The following DDB2 variants were observed in gnomAD, a reference collection of about 807,000 sequenced individuals.
DDB2 encodes damage specific DNA binding protein 2.
In DDB2, 27 loss-of-function variants were observed where a neutral mutation model predicts 50.5. The ratio of observed to expected loss-of-function variants is 0.53; its 90% CI spans 0.39 to 0.74. The LOEUF (loss-of-function observed/expected upper bound fraction) is 0.74. Among genes scored for constraint, DDB2 ranks in the 30% least tolerant of loss-of-function variants. The pLI is 0.00. For missense variants in DDB2, 424 were observed against 545.6 expected, an observed-to-expected ratio of 0.78 and a Z score of 2.22; for synonymous variants, 176 against 205.5, an observed-to-expected ratio of 0.86 and a Z score of 1.23.
intron 3 of DDB2, chr11:47,220,182 G>A (rs550986100): frequency 6.6e-6 from 1 of 152,464 alleles, no homozygotes; most frequent in East Asian, 1.9e-4. Flanking sequence ...CAAAGTGTGA[G>A]ATGGGTGTTC....
At chr11:47,217,334 C>T (rs1048824403) in intron 3 of DDB2, 2 of 274,264 alleles carry the variant, frequency 7.3e-6, no homozygotes, top group African/African-American at 2.2e-5. Flanking sequence ...CAAGATTGCA[C>T]CATTACACTC....
chr11:47,238,057 A>G, intron 8 of DDB2, 56 bp downstream of exon 8: 1 of 1,613,260 alleles, frequency 6.2e-7, no homozygotes, highest in Non-Finnish European at 8.5e-7. Flanking sequence ...AACCTACCTT[A>G]TTGACCAAAA....
rs754254385 is a variant in DDB2, at chr11:47,215,165, A to G, written c.29A>G (p.Gln10Arg). 2 of 1,614,088 alleles carry G rather than the reference A, an allele frequency of 1.2e-6. No homozygotes were observed. Among genetic ancestry groups the G allele is most frequent in the South Asian group, 2.2e-5 (2 of 91,062 alleles). Residue 10 changes from glutamine to arginine, a missense_variant, in exon 1 of 10, where the codon CAG becomes CGG. Coordinates refer to ENST00000256996, the MANE Select transcript of DDB2 (RefSeq NM_000107.3). MAPKKRPET[Q>R]KTSEIVLRPR... is the part of the protein sequence containing the mutation. ...GCTCCCAAGAAACGCCCAGAAACCCAGAAGACCTCCGAGATTGTATTACGC... is the reference window on the plus strand; with the variant it reads ...GCTCCCAAGAAACGCCCAGAAACCCGGAAGACCTCCGAGATTGTATTACGC...
chr11:47,222,067 A>G (rs962961725), intron 3 of DDB2, among the ~76,000 whole-genome samples: 1 of 152,206 alleles, frequency 6.6e-6, no homozygotes, highest in Non-Finnish European at 1.5e-5. Context: ...CCATCACCAC[A>G]ATTAAAATAA....
At chr11:47,237,525 G>A in intron 7 of DDB2, 2 of 373,164 alleles carry the variant, frequency 5.4e-6, no homozygotes. Flanking sequence ...CCGCCTCCCG[G>A]GTTCAAGTGA....
chr11:47,238,704 G>A lies in DDB2; in HGVS notation c.1235-96G>A, dbSNP rs764702738. Reference sequence around the variant, plus strand: ...TGAGCCACCGCGCCCGGCCTTCCTAGTATTTCTTTACCAAATTGTAGGTTT... The same window carrying A: ...TGAGCCACCGCGCCCGGCCTTCCTAATATTTCTTTACCAAATTGTAGGTTT... On this transcript the variant is annotated intron_variant, in intron 9 of 9. Coordinates refer to ENST00000256996, the MANE Select transcript of DDB2 (RefSeq NM_000107.3). The A allele has an allele frequency of 5.0e-6, 7 of 1,413,736 alleles. No homozygotes were observed. The Admixed American group carries it at 8.6e-5, about 17-fold the overall frequency. The allele number at this position is 1,413,736 out of a possible 1,614,324, so 87.6% of individuals were successfully genotyped here. A position where few individuals can be genotyped will look rare whatever the true frequency, so the allele number is the denominator to read the frequency against.
At chr11:47,233,916 C>T (rs566757927) in intron 4 of DDB2, among the ~76,000 whole-genome samples, 4 of 152,232 alleles carry the variant, frequency 2.6e-5, no homozygotes, top group Admixed American at 6.5e-5. Context: ...GCTACTCTTC[C>T]GCAAGAAATC....
At chr11:47,223,798 A>AATAT (rs1953520388) in intron 3 of DDB2, among the ~76,000 whole-genome samples, 1 of 152,038 alleles carries the variant, frequency 6.6e-6, no homozygotes, top group Non-Finnish European at 1.5e-5. Flanking sequence ...TAAATAAATA[A>AATAT]AGAATAAAAA....
intron 3 of DDB2, among the ~76,000 whole-genome samples, chr11:47,227,398 C>T (rs141546280): frequency 3.3e-5 from 5 of 152,068 alleles, no homozygotes; most frequent in East Asian, 1.9e-4. Context: ...TGAGACACTG[C>T]GCCCGGCCAT....
intron 1 of DDB2, chr11:47,216,043 A>C: frequency 2.0e-6 from 1 of 500,656 alleles, no homozygotes; most frequent in Non-Finnish European, 3.7e-6. Context: ...AGAGTTCTGC[A>C]TTGTACTTTA....
At chr11:47,222,356 G>C (rs1953498325) in intron 3 of DDB2, among the ~76,000 whole-genome samples, 1 of 150,762 alleles carries the variant, frequency 6.6e-6, no homozygotes, top group African/African-American at 2.4e-5. Flanking sequence ...TCTGAATAAT[G>C]GTTCATTGTT....
Position 47,236,435 on chromosome 11 carries a change from A to G in DDB2, c.1023+1023A>G, listed in dbSNP as rs1169989268. Among the ~76,000 whole-genome samples, 3 of 152,088 alleles carry G rather than the reference A, an allele frequency of 2.0e-5. No homozygotes were observed. In the East Asian group the frequency reaches 5.8e-4, roughly 29 times the overall value. On this transcript the variant is annotated intron_variant, in intron 7 of 9. Transcript: ENST00000256996. ...TCTGCTAGTTCTGCATTCTTTTCCA[A>G]AACTACAGATCCTCTTCAGATCTTC...
chr11:47,216,096 G>T, intron 1 of DDB2: 2 of 636,994 alleles, frequency 3.1e-6, no homozygotes, highest in Non-Finnish European at 2.8e-6. Flanking sequence ...AACCCTGCAC[G>T]ACTGTATTTA....
chr11:47,239,073 A>C lies in DDB2; in HGVS notation c.*224A>C. ...CCAGAGTTGGTGACACAGCTGTCCC[A>C]AGGGCCCCTCTGTATCTAGCCTGGA... On this transcript the variant is annotated 3_prime_UTR_variant, in exon 10 of 10. Coordinates refer to ENST00000256996, the MANE Select transcript of DDB2 (RefSeq NM_000107.3). 1.8e-6 allele frequency: 1 copy of C among 553,132 alleles called. No homozygotes were observed. Among genetic ancestry groups the C allele is most frequent in the East Asian group, 3.0e-5 (1 of 33,046 alleles). 34.3% of individuals were successfully genotyped at this position (553,132 alleles called of 1,614,324 possible).
chr11:47,238,720 T>C (rs1221030975), intron 9 of DDB2, 80 bp from the exon 10 acceptor site: 12 of 1,509,752 alleles, frequency 7.9e-6, no homozygotes, highest in Non-Finnish European at 1.1e-5. Flanking sequence ...CTTTACCAAA[T>C]TGTAGGTTTG....
intron 3 of DDB2, among the ~76,000 whole-genome samples, chr11:47,230,132 T>TAAAA (rs751957606): frequency 2.3e-4 from 26 of 110,810 alleles, no homozygotes; most frequent in African/African-American, 8.5e-4. Flanking sequence ...ACCCTGTCTC[T>TAAAA]AAAAAAAAAA....
chr11:47,235,119 G>A, intron 6 of DDB2, 151 bp from the exon 7 acceptor site: 1 of 1,342,234 alleles, frequency 7.5e-7, no homozygotes, highest in Non-Finnish European at 1.1e-6. Flanking sequence ...GAATTTTTTT[G>A]TTGTTGTTCA....
chr11:47,232,916 A>G lies in DDB2; in HGVS notation c.559A>G (p.Lys187Glu). 1.2e-6 allele frequency: 2 copies of G among 1,614,222 alleles called. No individual in the cohort carries two copies. The highest frequency in any genetic ancestry group is 4.5e-5 in the East Asian group (2 of 44,884). The change falls in exon 4 of 10, where the codon AAA (lysine) becomes GAA (glutamate). Residue 187 changes from lysine to glutamate, a missense_variant. Physicochemically the swap from Lys to Glu is moderately conservative, Grantham distance 56 (BLOSUM62 1). Transcript: ENST00000256996. The part of the protein sequence containing the change: ...MEGTTRLQDF[K>E]GNILRVFASS... The stretch of plus-strand genomic sequence containing the variant: ...GGGAACAACTAGGCTGCAAGACTTT[A>G]AAGGCAACATTCTACGAGTTTTTGC...
chr11:47,231,934 G>A lies in DDB2; in HGVS notation c.457-880G>A, dbSNP rs568020544. Among the ~76,000 whole-genome samples the A allele has an allele frequency of 7.9e-5, 12 of 152,192 alleles. 1 individual carries two copies. In the South Asian group the frequency reaches 2.5e-3, roughly 32 times the overall value. On this transcript the variant is annotated intron_variant, in intron 3 of 9. Coordinates refer to ENST00000256996, the MANE Select transcript of DDB2 (RefSeq NM_000107.3). ...GTTTTTGGGCTGTTGCAAATGTTCT[G>A]CATCCTGATTTGGGTGGTGGTTATT...
Sources: allele counts gnomAD v4.1 joint callset (sites outside exome capture counted in the v4.1 genomes callset), GRCh38; gene constraint gnomAD v4.1.1; transcripts MANE v1.5; gene names NCBI Gene and HGNC (gene_info 2026-07-23, HGNC 2026-07-21).